PTPRT: variants seen among roughly 807,000 people sequenced by gnomAD.
PTPRT encodes the protein receptor-type tyrosine-protein phosphatase T.
Under a neutral mutation model 176.8 loss-of-function variants are expected in PTPRT, and 56 were observed. The observed-to-expected ratio is 0.32, with a 90% CI of 0.26 to 0.40. PTPRT has a LOEUF of 0.40. Among genes scored for constraint, PTPRT ranks in the 10% least tolerant of loss-of-function variants. The pLI is 1.00. For synonymous variants in PTPRT, 783 were observed against 739.0 expected, an observed-to-expected ratio of 1.06 and a Z score of -0.96; for missense variants, 1,540 against 1,908.2, an observed-to-expected ratio of 0.81 and a Z score of 3.60.
chr20:42,920,655 T>C (rs1484484928), intron 1 of PTPRT, among the ~76,000 whole-genome samples: 7 of 152,316 alleles, frequency 4.6e-5, no homozygotes, highest in Middle Eastern at 3.4e-3. Flanking sequence ...CAAAACACTA[T>C]TGAGCAATTT....
intron 7 of PTPRT, among the ~76,000 whole-genome samples, chr20:42,527,151 G>T (rs1373722426): frequency 6.6e-6 from 1 of 151,726 alleles, no homozygotes; most frequent in African/African-American, 2.4e-5. Context: ...TTTTAGTAGA[G>T]ACGGGGTTTC....
chr20:42,086,644 G>C (rs1483374031), intron 27 of PTPRT, among the ~76,000 whole-genome samples: 1 of 146,622 alleles, frequency 6.8e-6, no homozygotes, highest in African/African-American at 2.6e-5. Flanking sequence ...AAAAAATATA[G>C]GGGTTTCGGG....
chr20:42,920,045 T>G (rs11908420), intron 1 of PTPRT, among the ~76,000 whole-genome samples: 5,366 of 152,274 alleles, frequency 0.035, 227 homozygotes, highest in African/African-American at 0.099. Context: ...GGTGGGGCAG[T>G]TTGCATTTTG....
At chr20:42,898,699 C>G (rs1280186032) in intron 1 of PTPRT, among the ~76,000 whole-genome samples, 1 of 152,110 alleles carries the variant, frequency 6.6e-6, no homozygotes, top group East Asian at 1.9e-4. Flanking sequence ...AAAAGAACAT[C>G]ATGGGGTATG....
chr20:42,452,427 C>T (rs1319787169), intron 8 of PTPRT, among the ~76,000 whole-genome samples: 1 of 152,068 alleles, frequency 6.6e-6, no homozygotes, highest in African/African-American at 2.4e-5. Context: ...TGTGCTAATG[C>T]TTTGTACGGA....
chr20:42,465,409 G>A (rs2071087252), intron 8 of PTPRT, among the ~76,000 whole-genome samples: 1 of 152,144 alleles, frequency 6.6e-6, no homozygotes, highest in Admixed American at 6.5e-5. Context: ...AACAACCTGG[G>A]TGTCCACTGG....
intron 7 of PTPRT, among the ~76,000 whole-genome samples, chr20:42,492,467 C>CT (rs144691527): frequency 0.02 from 3,027 of 151,720 alleles, 103 homozygotes; most frequent in African/African-American, 0.068. Flanking sequence ...CTTCATGTTC[C>CT]TTTTTTTTGC....
At chr20:43,002,866 C>CAGAA (rs1401614481) in intron 1 of PTPRT, among the ~76,000 whole-genome samples, 18 of 150,816 alleles carry the variant, frequency 1.2e-4, no homozygotes, top group Non-Finnish European at 2.5e-4. Context: ...AAGATAAAGG[C>CAGAA]AGAAAACAAT....
At chr20:42,591,415 A>C (rs1032260271) in intron 7 of PTPRT, among the ~76,000 whole-genome samples, 2 of 152,210 alleles carry the variant, frequency 1.3e-5, no homozygotes, top group African/African-American at 2.4e-5. Flanking sequence ...GGCCTGAAAC[A>C]GAGTAGATGT....
chr20:42,260,165 AAC>A (rs1457113002), intron 13 of PTPRT, among the ~76,000 whole-genome samples: 1 of 102,740 alleles, frequency 9.7e-6, no homozygotes. Flanking sequence ...GCTTAAACAA[AAC>A]TAGACTACAA....
intron 1 of PTPRT, among the ~76,000 whole-genome samples, chr20:43,156,631 G>T (rs1600756369): frequency 6.6e-6 from 1 of 152,192 alleles, no homozygotes; most frequent in African/African-American, 2.4e-5. Context: ...GTTTACAATG[G>T]ACAAAGAGAG....
intron 7 of PTPRT, among the ~76,000 whole-genome samples, chr20:42,484,335 A>G (rs149807233): frequency 9.8e-4 from 150 of 152,322 alleles, no homozygotes; most frequent in African/African-American, 3.5e-3. Flanking sequence ...AGTACACACA[A>G]ATCAAAATAA....
At chr20:42,976,482 T>C (rs777997018) in intron 1 of PTPRT, among the ~76,000 whole-genome samples, 24 of 152,110 alleles carry the variant, frequency 1.6e-4, no homozygotes, top group Non-Finnish European at 1.3e-4. Context: ...CTCGGCTTAG[T>C]GCAACCTCCG....
At chr20:42,842,010 G>A (rs911221145) in intron 2 of PTPRT, among the ~76,000 whole-genome samples, 3 of 150,478 alleles carry the variant, frequency 2.0e-5, no homozygotes, top group East Asian at 4.0e-4. Flanking sequence ...CAGGAACCAC[G>A]TTCATTCTAA....
rs1300886548 is a variant in PTPRT, at chr20:42,248,669, G to A, written c.2312+18C>T. 1.9e-6 allele frequency: 3 copies of A among 1,612,998 alleles called. No homozygotes were observed. The East Asian group carries it at 6.7e-5, about 36-fold the overall frequency. On this transcript the variant is annotated intron_variant, in intron 14 of 30. Transcript: ENST00000373187. ...ACCTCGGGTCAGCAGAGTCTTGCAGGCAGCAGCAGAGACTCACCTCCTTTT... is the reference window on the plus strand; with the variant it reads ...ACCTCGGGTCAGCAGAGTCTTGCAGACAGCAGCAGAGACTCACCTCCTTTT...
At chr20:42,237,130 G>T (rs576017663) in intron 14 of PTPRT, among the ~76,000 whole-genome samples, 2 of 152,320 alleles carry the variant, frequency 1.3e-5, no homozygotes, top group South Asian at 4.1e-4. Context: ...AGTTATCTCA[G>T]CTGAGACCAT....
intron 2 of PTPRT, among the ~76,000 whole-genome samples, chr20:42,859,703 C>A (rs1263727705): frequency 6.6e-6 from 1 of 151,532 alleles, no homozygotes; most frequent in Non-Finnish European, 1.5e-5. Context: ...CCTGCCTCAG[C>A]CTCCCGAGCA....
intron 12 of PTPRT, among the ~76,000 whole-genome samples, chr20:42,286,541 C>T (rs754522263): frequency 4.0e-5 from 6 of 151,644 alleles, no homozygotes; most frequent in Non-Finnish European, 7.4e-5. Context: ...TTCAGAAGAA[C>T]GAAACTAGAC....
At chr20:42,674,319 A>T (rs772115542) in intron 7 of PTPRT, among the ~76,000 whole-genome samples, 2 of 152,312 alleles carry the variant, frequency 1.3e-5, no homozygotes, top group East Asian at 3.9e-4. Context: ...TTGCATTCCA[A>T]CTCATAATTT....
Sources: allele counts gnomAD v4.1 joint callset (sites outside exome capture counted in the v4.1 genomes callset), GRCh38; gene constraint gnomAD v4.1.1; transcripts MANE v1.5; gene names NCBI Gene and HGNC (gene_info 2026-07-23, HGNC 2026-07-21).